The following SH3RF3 variants were observed in gnomAD, a reference collection of about 807,000 sequenced individuals.
SH3RF3 encodes the protein E3 ubiquitin-protein ligase SH3RF3.
In SH3RF3, 29 loss-of-function variants were observed where a neutral mutation model predicts 66.3. That is an observed-to-expected ratio of 0.44 (90% CI 0.33 to 0.60). The LOEUF (loss-of-function observed/expected upper bound fraction) is 0.60, where lower values mean the gene tolerates loss of function less well. Among genes scored for constraint, SH3RF3 ranks in the 20% least tolerant of loss-of-function variants. The pLI, the probability that SH3RF3 is intolerant of heterozygous loss-of-function variation, is 0.04. For missense variants in SH3RF3, 1,194 were observed against 1,190.9 expected (o/e 1.00, Z -0.04); for synonymous variants, 583 against 532.0 (o/e 1.10, Z -1.32).
At chr2:109,181,110 G>C (rs2104984013) in intron 1 of SH3RF3, among the ~76,000 whole-genome samples, 1 of 152,348 alleles carries the variant, frequency 6.6e-6, no homozygotes, top group East Asian at 1.9e-4. Flanking sequence ...GTGGTGAGGA[G>C]AAGTGATGGC....
At position 109,436,912 on chromosome 2, in the gene SH3RF3, G is replaced by C; in HGVS notation, c.1594G>C (p.Gly532Arg). The change falls in exon 7 of 10, where the codon GGG becomes CGG. Residue 532 changes from glycine (G) to arginine (R), a missense_variant. Transcript: ENST00000309415. ...PVSRVPAGGAGPPRNNVVGGS... is the reference protein window; with the variant it reads ...PVSRVPAGGARPPRNNVVGGS... ...CCACAGGGTGCCTGCAGGAGGGGCA[G>C]GGCCGCCCCGGAATAATGTAGTCGG... The C allele has an allele frequency of 6.2e-7, 1 of 1,613,536 alleles. No individual in the cohort carries two copies. The highest frequency in any genetic ancestry group is 1.1e-5 in the South Asian group (1 of 91,078).
chr2:109,379,256 G>A (rs950974653), intron 3 of SH3RF3, among the ~76,000 whole-genome samples: 3 of 152,186 alleles, frequency 2.0e-5, no homozygotes, highest in Non-Finnish European at 4.4e-5. Context: ...TTGAAATAAG[G>A]GTCAGAGGTT....
intron 2 of SH3RF3, among the ~76,000 whole-genome samples, chr2:109,368,068 AATATGTTT>A (rs1332011411): frequency 6.6e-6 from 1 of 152,202 alleles, no homozygotes; most frequent in African/African-American, 2.4e-5. Flanking sequence ...GCCATTTTAA[AATATGTTT>A]AATGGAAATT....
At chr2:109,171,395 A>G (rs1409404568) in intron 1 of SH3RF3, among the ~76,000 whole-genome samples, 4 of 152,228 alleles carry the variant, frequency 2.6e-5, no homozygotes, top group Non-Finnish European at 5.9e-5. Flanking sequence ...GACTATGAAT[A>G]TTCGGAGAAA....
At chr2:109,411,889 A>G (rs551195160) in intron 4 of SH3RF3, among the ~76,000 whole-genome samples, 1 of 152,296 alleles carries the variant, frequency 6.6e-6, no homozygotes, top group East Asian at 1.9e-4. Context: ...CTTTTGCCAT[A>G]TCAAGTGTCA....
chr2:109,324,315 T>C (rs182111762), intron 1 of SH3RF3, among the ~76,000 whole-genome samples: 4 of 152,192 alleles, frequency 2.6e-5, no homozygotes, highest in Admixed American at 2.0e-4. Flanking sequence ...GCTCTAGGAG[T>C]AGGGGTACTG....
intron 1 of SH3RF3, among the ~76,000 whole-genome samples, chr2:109,171,329 TAAG>T: frequency 6.6e-6 from 1 of 152,368 alleles, no homozygotes; most frequent in African/African-American, 2.4e-5. Flanking sequence ...TATAGCCTGT[TAAG>T]AATTCAAAGT....
At chr2:109,474,650 T>TGGTCTGCCCTGGACAGCATCG (rs1476585964) in intron 8 of SH3RF3, among the ~76,000 whole-genome samples, 1 of 152,220 alleles carries the variant, frequency 6.6e-6, no homozygotes, top group African/African-American at 2.4e-5. Flanking sequence ...AGCTTCCCGC[T>TGGTCTGCCCTGGACAGCATCG]GGTCTGCCCT....
At chr2:109,351,181 G>A (rs1049027852) in intron 2 of SH3RF3, among the ~76,000 whole-genome samples, 1 of 152,236 alleles carries the variant, frequency 6.6e-6, no homozygotes, top group Non-Finnish European at 1.5e-5. Context: ...AGGAAGAGCT[G>A]TGGGCCCAGC....
At chr2:109,359,745 G>A (rs758262808) in intron 2 of SH3RF3, among the ~76,000 whole-genome samples, 3 of 152,060 alleles carry the variant, frequency 2.0e-5, no homozygotes, top group Non-Finnish European at 2.9e-5. Flanking sequence ...CAAAATGAAG[G>A]CACACAACAC....
chr2:109,437,480 A>G (rs555077762), intron 7 of SH3RF3, among the ~76,000 whole-genome samples: 3 of 152,330 alleles, frequency 2.0e-5, no homozygotes, highest in African/African-American at 4.8e-5. Flanking sequence ...CATTGTGGCA[A>G]GAGGGCCTCA....
intron 2 of SH3RF3, among the ~76,000 whole-genome samples, chr2:109,369,307 C>T (rs1683214430): frequency 6.6e-6 from 1 of 152,050 alleles, no homozygotes; most frequent in East Asian, 1.9e-4. Flanking sequence ...TGAGATTGGG[C>T]CATTGCACTC....
intron 4 of SH3RF3, among the ~76,000 whole-genome samples, chr2:109,401,028 G>T (rs1676300224): frequency 6.6e-6 from 1 of 152,232 alleles, no homozygotes; most frequent in Admixed American, 6.5e-5. Context: ...GACCAGTGTG[G>T]CTGTGCTCCC....
intron 3 of SH3RF3, among the ~76,000 whole-genome samples, chr2:109,390,899 A>T (rs1195357776): frequency 6.6e-6 from 1 of 152,190 alleles, no homozygotes; most frequent in Non-Finnish European, 1.5e-5. Context: ...GGGTCCCGGC[A>T]TGAATGCTGC....
chr2:109,178,662 TC>T (rs1478988752), intron 1 of SH3RF3, among the ~76,000 whole-genome samples: 1 of 152,216 alleles, frequency 6.6e-6, no homozygotes, highest in Admixed American at 6.5e-5. Flanking sequence ...ATGCTCCTCT[TC>T]CTGTCCTCCC....
intron 1 of SH3RF3, among the ~76,000 whole-genome samples, chr2:109,338,027 C>G (rs922931140): frequency 4.1e-4 from 63 of 152,234 alleles, no homozygotes; most frequent in African/African-American, 1.5e-3. Flanking sequence ...CCACCGCGCC[C>G]AGGCTCCTTC....
chr2:109,347,593 C>G, intron 1 of SH3RF3, 81 bp from the exon 2 acceptor site: 1 of 1,522,624 alleles, frequency 6.6e-7, no homozygotes, highest in Non-Finnish European at 8.8e-7. Flanking sequence ...CCCTGAGAAG[C>G]CCCGGCCTGC....
intron 1 of SH3RF3, among the ~76,000 whole-genome samples, chr2:109,294,308 C>G (rs139621422): frequency 1.3e-5 from 2 of 152,006 alleles, no homozygotes; most frequent in Non-Finnish European, 2.9e-5. Context: ...TGCCTGTAAT[C>G]CCAGCACTTT....
intron 1 of SH3RF3, among the ~76,000 whole-genome samples, chr2:109,295,049 A>G (rs930047797): frequency 2.6e-5 from 4 of 152,258 alleles, no homozygotes; most frequent in Admixed American, 6.5e-5. Flanking sequence ...GGATCCCTGC[A>G]GGAAATGCCA....
Sources: allele counts gnomAD v4.1 joint callset (sites outside exome capture counted in the v4.1 genomes callset), GRCh38; gene constraint gnomAD v4.1.1; transcripts MANE v1.5; gene names NCBI Gene and HGNC (gene_info 2026-07-23, HGNC 2026-07-21).